NCOA1: variants seen among roughly 807,000 people sequenced by gnomAD.
NCOA1 encodes the protein nuclear receptor coactivator 1.
NCOA1 carries 35 observed loss-of-function variants against 150.9 expected under a neutral mutation model. The ratio of observed to expected loss-of-function variants is 0.23; its 90% CI spans 0.18 to 0.31. The LOEUF is 0.31. Among genes scored for constraint, NCOA1 ranks in the 10% least tolerant of loss-of-function variants. The pLI is 1.00. For missense variants in NCOA1, 1,491 were observed against 1,749.3 expected, an observed-to-expected ratio of 0.85 and a Z score of 2.63; for synonymous variants, 590 against 630.0, an observed-to-expected ratio of 0.94 and a Z score of 0.95.
At chr2:24,760,160 G>A (rs1262034008) in intron 21 of NCOA1, among the ~76,000 whole-genome samples, 1 of 136,380 alleles carries the variant, frequency 7.3e-6, no homozygotes, top group Admixed American at 7.7e-5. Flanking sequence ...TTTTTTTTGA[G>A]ATGGAGTCTC....
chr2:24,534,464 A>C (rs200459816), intron 1 of NCOA1, among the ~76,000 whole-genome samples: 1 of 145,678 alleles, frequency 6.9e-6, no homozygotes, highest in African/African-American at 2.6e-5. Context: ...TTCTGCTCTG[A>C]TCTTAGTTAT....
At chr2:24,696,726 C>T (rs546343106) in intron 10 of NCOA1, among the ~76,000 whole-genome samples, 4 of 152,068 alleles carry the variant, frequency 2.6e-5, no homozygotes, top group African/African-American at 7.2e-5. Flanking sequence ...GGCAAAAAAC[C>T]GATAACAGTC....
At chr2:24,616,431 T>A (rs1463065997) in intron 3 of NCOA1, among the ~76,000 whole-genome samples, 1 of 152,172 alleles carries the variant, frequency 6.6e-6, no homozygotes, top group Non-Finnish European at 1.5e-5. Flanking sequence ...AGAAATACCA[T>A]TTCTTTTGGC....
rs79286047 is a variant in NCOA1 at position 24,580,175 on chromosome 2, C to T, written c.-259-4301C>T. ...ACTGTTTTTATTACACTTTCTGTGT[C>T]TTTAGCTTTCAGAAGTTTAACTATG... On this transcript the variant is annotated intron_variant, in intron 2 of 22. Coordinates refer to ENST00000348332, the MANE Select transcript of NCOA1 (RefSeq NM_003743.5). Among the ~76,000 whole-genome samples the T allele has an allele frequency of 5.0e-3, 762 of 152,236 alleles. 32 individuals carry two copies. The East Asian group carries it at 0.097, about 19-fold the overall frequency.
chr2:24,553,505 A>C (rs570056774), intron 1 of NCOA1, among the ~76,000 whole-genome samples: 1 of 152,318 alleles, frequency 6.6e-6, no homozygotes, highest in African/African-American at 2.4e-5. Flanking sequence ...GGCGTGAGCC[A>C]CTTTGCCCAG....
chr2:24,572,104 C>A (rs773839755), intron 2 of NCOA1, among the ~76,000 whole-genome samples: 5 of 152,078 alleles, frequency 3.3e-5, no homozygotes, highest in African/African-American at 4.8e-5. Flanking sequence ...AGTAAATACG[C>A]TTTTTGGTTT....
intron 19 of NCOA1, among the ~76,000 whole-genome samples, chr2:24,750,476 C>CTAA (rs1664162295): frequency 6.6e-6 from 1 of 152,124 alleles, no homozygotes; most frequent in Admixed American, 6.6e-5. Context: ...CAGATGGCTG[C>CTAA]TAATAAGCAT....
chr2:24,586,088 A>G (rs1220930517), intron 3 of NCOA1, among the ~76,000 whole-genome samples: 1 of 151,682 alleles, frequency 6.6e-6, no homozygotes, highest in Non-Finnish European at 1.5e-5. Context: ...CAGCCTGGGC[A>G]ACATGGAAAA....
At chr2:24,540,660 T>C (rs1476247965) in intron 1 of NCOA1, among the ~76,000 whole-genome samples, 1 of 152,010 alleles carries the variant, frequency 6.6e-6, no homozygotes, top group Non-Finnish European at 1.5e-5. Context: ...GGTTTCACCA[T>C]GTTGGCCAGG....
intron 2 of NCOA1, among the ~76,000 whole-genome samples, chr2:24,575,872 C>T (rs939692593): frequency 1.3e-5 from 2 of 152,080 alleles, no homozygotes; most frequent in South Asian, 2.1e-4. Context: ...CGCTCTCGGC[C>T]GAAGAGGCCA....
At chr2:24,736,963 A>T (rs753124519) in intron 17 of NCOA1, among the ~76,000 whole-genome samples, 1 of 152,204 alleles carries the variant, frequency 6.6e-6, no homozygotes, top group South Asian at 2.1e-4. Flanking sequence ...ATTCCGGCAG[A>T]CAAAGTGACA....
intron 19 of NCOA1, among the ~76,000 whole-genome samples, chr2:24,747,225 C>G (rs1235116747): frequency 6.6e-6 from 1 of 151,356 alleles, no homozygotes; most frequent in Non-Finnish European, 1.5e-5. Context: ...TGCTCTTGTA[C>G]TTGGAGTCTC....
At chr2:24,720,262 G>A (rs1459145830) in intron 14 of NCOA1, among the ~76,000 whole-genome samples, 2 of 152,172 alleles carry the variant, frequency 1.3e-5, no homozygotes, top group Non-Finnish European at 2.9e-5. Flanking sequence ...GACTGGAAGG[G>A]GTGAGGCAAG....
intron 3 of NCOA1, among the ~76,000 whole-genome samples, chr2:24,607,911 A>G (rs1668444442): frequency 6.6e-6 from 1 of 152,026 alleles, no homozygotes; most frequent in African/African-American, 2.4e-5. Flanking sequence ...CTTTTTGCCT[A>G]CCTGTATTTT....
intron 3 of NCOA1, among the ~76,000 whole-genome samples, chr2:24,594,353 A>G (rs1667799710): frequency 6.6e-6 from 1 of 152,134 alleles, no homozygotes; most frequent in African/African-American, 2.4e-5. Context: ...AATTATAGCC[A>G]TTTTATTTTC....
chr2:24,588,595 A>T (rs553706258), intron 3 of NCOA1, among the ~76,000 whole-genome samples: 1 of 152,166 alleles, frequency 6.6e-6, no homozygotes, highest in Non-Finnish European at 1.5e-5. Context: ...TAGACTCATG[A>T]TAAATGCTGT....
At chr2:24,517,008 A>G (rs747933242) in intron 1 of NCOA1, among the ~76,000 whole-genome samples, 4,199 of 99,870 alleles carry the variant, frequency 0.042, 108 homozygotes, top group Non-Finnish European at 0.066. Flanking sequence ...ACGCGCGCAC[A>G]CACACACACA....
intron 3 of NCOA1, among the ~76,000 whole-genome samples, chr2:24,595,262 A>G (rs1053530016): frequency 2.0e-5 from 3 of 152,124 alleles, no homozygotes; most frequent in Admixed American, 2.0e-4. Flanking sequence ...TCAGGTAGAA[A>G]GTACTGCTTT....
At chr2:24,545,011 A>T (rs1047377706) in intron 1 of NCOA1, among the ~76,000 whole-genome samples, 1 of 152,280 alleles carries the variant, frequency 6.6e-6, no homozygotes, top group East Asian at 1.9e-4. Context: ...CTTAATATTG[A>T]TACAGATTCA....
Sources: allele counts gnomAD v4.1 joint callset (sites outside exome capture counted in the v4.1 genomes callset), GRCh38; gene constraint gnomAD v4.1.1; transcripts MANE v1.5; gene names NCBI Gene and HGNC (gene_info 2026-07-23, HGNC 2026-07-21).